UBAP1: variants seen among roughly 807,000 people sequenced by gnomAD.
UBAP1 encodes the protein ubiquitin associated protein 1, also known as ubiquitin-associated protein 1.
Under a neutral mutation model 39.0 loss-of-function variants are expected in UBAP1, and 5 were observed. The observed-to-expected ratio is 0.13, with a 90% CI of 0.07 to 0.27. The LOEUF (loss-of-function observed/expected upper bound fraction) is 0.27. Ranked by LOEUF, UBAP1 falls within the 10% of genes least tolerant of loss-of-function variation. The pLI is 1.00. For missense variants in UBAP1, 490 were observed against 608.1 expected (o/e 0.81, Z 2.04); for synonymous variants, 211 against 225.1 (o/e 0.94, Z 0.56).
At chr9:34,202,826 A>T (rs116698443) in intron 1 of UBAP1, among the ~76,000 whole-genome samples, 151 of 152,244 alleles carry the variant, frequency 9.9e-4, no homozygotes, top group African/African-American at 3.5e-3. Flanking sequence ...TATATCTCTG[A>T]AAGATCACAT....
At chr9:34,225,729 G>T (rs1049696102) in intron 2 of UBAP1, among the ~76,000 whole-genome samples, 1 of 147,626 alleles carries the variant, frequency 6.8e-6, no homozygotes, top group East Asian at 2.0e-4. Context: ...GCAGTGAGCC[G>T]AGATCACACC....
chr9:34,242,673 T>C (rs1233811701), intron 4 of UBAP1, among the ~76,000 whole-genome samples: 1 of 152,066 alleles, frequency 6.6e-6, no homozygotes, highest in Non-Finnish European at 1.5e-5. Context: ...TACAGGCATA[T>C]GCCACCACAC....
chr9:34,192,700 A>G (rs1293137535), intron 1 of UBAP1, among the ~76,000 whole-genome samples: 2 of 152,026 alleles, frequency 1.3e-5, no homozygotes, highest in African/African-American at 4.8e-5. Context: ...TTGGCTTCCC[A>G]AAGTGCTGGG....
chr9:34,237,740 G>A (rs1381956708), intron 3 of UBAP1, among the ~76,000 whole-genome samples: 1 of 151,820 alleles, frequency 6.6e-6, no homozygotes, highest in Non-Finnish European at 1.5e-5. Context: ...GCTAATTTTT[G>A]TATTTTTTGT....
chr9:34,182,594 CT>C (rs1160936226), intron 1 of UBAP1, among the ~76,000 whole-genome samples: 14 of 151,284 alleles, frequency 9.3e-5, no homozygotes, highest in South Asian at 6.3e-4. Context: ...TTTTCGTGTT[CT>C]TTTTTCTTTT....
intron 3 of UBAP1, among the ~76,000 whole-genome samples, chr9:34,239,237 G>T (rs1017336043): frequency 1.3e-5 from 2 of 152,194 alleles, no homozygotes; most frequent in Non-Finnish European, 2.9e-5. Context: ...AGAAGACAGG[G>T]TTTTGCCATG....
In UBAP1 at chr9:34,252,001, G is replaced by GTTTTA. The variant is rs1003495374; in HGVS notation, c.*474_*478dup. 1.3e-5 allele frequency: 2 copies of GTTTTA among 156,224 alleles called. No homozygotes were observed. The highest frequency in any genetic ancestry group is 4.8e-5 in the African/African-American group (2 of 41,482). 9.7% of individuals were successfully genotyped at this position (156,224 alleles called of 1,614,324 possible). A position where few individuals can be genotyped will look rare whatever the true frequency, so the allele number is the denominator to read the frequency against. ...AGTTCAAGTGAAAGATTCTTCCAGG[G>GTTTTA]TTTTATTTTTTCCCCTCCTAACAAA... On this transcript the variant is annotated 3_prime_UTR_variant, in exon 7 of 7. Transcript: ENST00000297661.
chr9:34,210,501 C>T (rs1369668919), intron 1 of UBAP1, among the ~76,000 whole-genome samples: 1 of 152,034 alleles, frequency 6.6e-6, no homozygotes, highest in Non-Finnish European at 1.5e-5. Flanking sequence ...GGTGGATCAC[C>T]TGAGGTCAGG....
chr9:34,185,815 C>T (rs1778176756), intron 1 of UBAP1, among the ~76,000 whole-genome samples: 1 of 152,206 alleles, frequency 6.6e-6, no homozygotes, highest in South Asian at 2.1e-4. Flanking sequence ...CACTGCACTC[C>T]AGCCTGGCTG....
chr9:34,226,123 G>GTGTGTGTGTGTGTGTGTGTT (rs1563911212), intron 2 of UBAP1, among the ~76,000 whole-genome samples: 141 of 104,648 alleles, frequency 1.3e-3, no homozygotes, highest in Middle Eastern at 5.3e-3. Context: ...GTGTGTGTGT[G>GTGTGTGTGTGTGTGTGTGTT]TGTGTGTGTG....
At chr9:34,206,811 C>G (rs959594515) in intron 1 of UBAP1, among the ~76,000 whole-genome samples, 7 of 152,044 alleles carry the variant, frequency 4.6e-5, no homozygotes, top group African/African-American at 1.7e-4. Flanking sequence ...CTGCTTTTTT[C>G]TAGGTGACTA....
chr9:34,242,058 G>C lies in UBAP1; in HGVS notation c.1033G>C (p.Val345Leu), dbSNP rs762885127. 3.1e-6 allele frequency: 5 copies of C among 1,613,656 alleles called. No homozygotes were observed. The South Asian group carries it at 4.4e-5, about 14-fold the overall frequency. The change falls in exon 4 of 7, where the codon GTT becomes CTT. Residue 345 changes from valine to leucine, a missense_variant. Val to Leu is a conservative substitution (Grantham distance 32, BLOSUM62 1). This residue lies in a region of UBAP1 where 339 missense variants were observed against 390.0 expected (regional missense o/e 0.87). Coordinates refer to ENST00000297661, the MANE Select transcript of UBAP1 (RefSeq NM_016525.5). ...ATCCTCCCAGATGCCTTCCCTCTCT[G>C]TTTTGTCTGTGTGCACAGAGGAATC... ...LTSSQMPSLS[V>L]LSVCTEESSP...
At chr9:34,247,324 A>G (rs1834228456) in intron 4 of UBAP1, among the ~76,000 whole-genome samples, 2 of 152,228 alleles carry the variant, frequency 1.3e-5, no homozygotes, top group African/African-American at 4.8e-5. Flanking sequence ...AGGATAGATG[A>G]TACTTTTAAA....
At chr9:34,246,361 T>G (rs1437677394) in intron 4 of UBAP1, among the ~76,000 whole-genome samples, 2 of 152,270 alleles carry the variant, frequency 1.3e-5, no homozygotes, top group Admixed American at 6.5e-5. Context: ...CCATTGCTCC[T>G]GGCCTTAGTT....
In UBAP1 at chr9:34,241,282, C is replaced by T; in HGVS notation, c.257C>T (p.Ala86Val). The part of the protein sequence containing the change: ...EREAECKIAE[A>V]EAKVNSKSGP... Reference sequence around the variant, plus strand: ...GAAGCAGAGTGCAAAATTGCGGAAGCAGAAGCTAAAGTGAATTCTAAGAGT... The same window carrying T: ...GAAGCAGAGTGCAAAATTGCGGAAGTAGAAGCTAAAGTGAATTCTAAGAGT... The change falls in exon 4 of 7, where the codon GCA becomes GTA. Residue 86 changes from alanine (A) to valine (V), a missense_variant. Coordinates refer to ENST00000297661, the MANE Select transcript of UBAP1 (RefSeq NM_016525.5). The T allele has an allele frequency of 6.6e-7, 1 of 1,504,472 alleles. No homozygotes were observed. The highest frequency in any genetic ancestry group is 8.9e-7 in the Non-Finnish European group (1 of 1,127,314). The allele number at this position is 1,504,472 out of a possible 1,614,324, so 93.2% of individuals were successfully genotyped here. A position where few individuals can be genotyped will look rare whatever the true frequency, so the allele number is the denominator to read the frequency against.
chr9:34,185,261 T>C (rs1232822930), intron 1 of UBAP1, among the ~76,000 whole-genome samples: 2 of 152,134 alleles, frequency 1.3e-5, no homozygotes, highest in African/African-American at 4.8e-5. Context: ...ATAATCTCAG[T>C]TCTTGGCCAG....
At chr9:34,238,494 CCAATTTCTTCACT>C (rs1833811045) in intron 3 of UBAP1, among the ~76,000 whole-genome samples, 1 of 152,166 alleles carries the variant, frequency 6.6e-6, no homozygotes, top group South Asian at 2.1e-4. Context: ...CAAGAGGGTA[CCAATTTCTTCACT>C]TCCTTGCCCA....
chr9:34,179,265 AG>A, intron 1 of UBAP1, 25 bp downstream of exon 1: 1 of 123,884 alleles, frequency 8.1e-6, no homozygotes, highest in Non-Finnish European at 9.8e-6. Flanking sequence ...CCTCTGGGGG[AG>A]GGGGAAGAGG....
At chr9:34,231,885 C>A (rs1833442305) in intron 2 of UBAP1, among the ~76,000 whole-genome samples, 1 of 151,886 alleles carries the variant, frequency 6.6e-6, no homozygotes, top group Non-Finnish European at 1.5e-5. Flanking sequence ...CCCACCTCAG[C>A]CTCCCAAAGT....
Sources: gnomAD v4.1 joint callset for allele counts (sites outside exome capture counted in the v4.1 genomes callset) on GRCh38, gnomAD v4.1.1 for gene constraint, gnomAD v4.1.1 regional missense constraint, MANE v1.5 for transcripts, NCBI Gene and HGNC (gene_info 2026-07-23, HGNC 2026-07-21) for gene names.